SYNJ2: variants seen among roughly 807,000 people sequenced by gnomAD.
The protein encoded by SYNJ2 is polyphosphatidylinositol phosphatase SYNJ2.
Under a neutral mutation model 141.3 loss-of-function variants are expected in SYNJ2, and 116 were observed. The ratio of observed to expected loss-of-function variants is 0.82; its 90% confidence interval spans 0.71 to 0.96. SYNJ2 has a LOEUF of 0.96. SYNJ2 is among the 40% of genes least tolerant of loss of function. SYNJ2 has a pLI of 0.00. For synonymous variants in SYNJ2, 745 were observed against 777.7 expected (o/e 0.96, Z 0.70); for missense variants, 1,873 against 1,934.8 (o/e 0.97, Z 0.60).
At chr6:158,093,844 G>T in intron 26 of SYNJ2, 1 of 761,306 alleles carries the variant, frequency 1.3e-6, no homozygotes, top group South Asian at 1.3e-5. Context: ...TGCGGCCTCA[G>T]CCTACGAGAG....
chr6:157,987,693 C>T (rs1447264365), intron 1 of SYNJ2, among the ~76,000 whole-genome samples: 5 of 152,350 alleles, frequency 3.3e-5, no homozygotes, highest in Admixed American at 3.3e-4. Context: ...TGAGCCACTG[C>T]ACCTGACCAC....
chr6:158,069,872 T>C (rs1781807451), intron 14 of SYNJ2, among the ~76,000 whole-genome samples, 199 bp downstream of exon 14: 1 of 152,156 alleles, frequency 6.6e-6, no homozygotes, highest in African/African-American at 2.4e-5. Context: ...AAAGCCACCA[T>C]GGGAAATGTC....
chr6:158,012,975 T>G (rs1383396603), intron 1 of SYNJ2, among the ~76,000 whole-genome samples: 4 of 152,212 alleles, frequency 2.6e-5, no homozygotes, highest in African/African-American at 9.7e-5. Context: ...AAGTGAGCAT[T>G]GGGGAAAATA....
intron 2 of SYNJ2, among the ~76,000 whole-genome samples, chr6:158,023,056 C>T (rs1778857879): frequency 6.6e-6 from 1 of 152,082 alleles, no homozygotes; most frequent in African/African-American, 2.4e-5. Flanking sequence ...TCAAGACCAG[C>T]CTGGGCTATG....
intron 26 of SYNJ2, chr6:158,093,873 C>T: frequency 1.3e-6 from 1 of 764,532 alleles, no homozygotes; most frequent in African/African-American, 1.7e-5. Flanking sequence ...GCTTTTCTTG[C>T]CACTTTTCTT....
intron 1 of SYNJ2, among the ~76,000 whole-genome samples, chr6:157,988,959 G>C (rs1054839140): frequency 6.6e-6 from 1 of 152,074 alleles, no homozygotes; most frequent in African/African-American, 2.4e-5. Context: ...GCTTCTTTTC[G>C]AGATCTCACG....
At chr6:158,064,241 G>T (rs1461750678) in intron 9 of SYNJ2, among the ~76,000 whole-genome samples, 1 of 152,074 alleles carries the variant, frequency 6.6e-6, no homozygotes, top group East Asian at 1.9e-4. Flanking sequence ...ACCTCTGTCT[G>T]CATGGCCCCA....
intron 23 of SYNJ2, 44 bp downstream of exon 23, chr6:158,087,033 A>G: frequency 1.9e-6 from 3 of 1,546,808 alleles, no homozygotes. Flanking sequence ...CCTGCCAGGA[A>G]TAACCGCGCG....
At chr6:158,094,112 C>G in intron 26 of SYNJ2, 1 of 655,128 alleles carries the variant, frequency 1.5e-6, no homozygotes, top group Non-Finnish European at 2.8e-6. Context: ...CGGCTTCACT[C>G]TTGACAGCGC....
intron 4 of SYNJ2, among the ~76,000 whole-genome samples, chr6:158,034,670 C>T (rs185788239): frequency 9.8e-5 from 15 of 152,304 alleles, no homozygotes; most frequent in Admixed American, 2.6e-4. Context: ...AGAATGTCTG[C>T]ACTGTGGATA....
intron 2 of SYNJ2, among the ~76,000 whole-genome samples, chr6:158,024,709 A>G (rs1778947832): frequency 6.6e-6 from 1 of 152,240 alleles, no homozygotes. Flanking sequence ...TGGGGTGATC[A>G]GAACAGGACG....
chr6:157,981,651 G>A (rs1412166690), upstream of SYNJ2, among the ~76,000 whole-genome samples: 3 of 151,850 alleles, frequency 2.0e-5, no homozygotes, highest in Non-Finnish European at 4.4e-5. The surrounding 1 kb of genome is among the most constrained non-coding windows in gnomAD (Gnocchi z 6.4). Flanking sequence ...TGGCATCCGG[G>A]AGGCTCTTCC....
chr6:158,039,803 A>G (rs1410823586), intron 4 of SYNJ2, among the ~76,000 whole-genome samples: 4 of 152,056 alleles, frequency 2.6e-5, no homozygotes, highest in Admixed American at 2.6e-4. Flanking sequence ...CTGAGCCTCC[A>G]GTAGGAAGGA....
In SYNJ2 at chr6:158,071,243, C is replaced by T. The variant is rs575492188; in HGVS notation, c.1941-359C>T. On this transcript the variant is annotated intron_variant, in intron 14 of 26. Transcript: ENST00000355585. This position sits in a 1 kb window ranked among gnomAD's most constrained non-coding sequence, Gnocchi z 4.3. The stretch of plus-strand genomic sequence containing the variant: ...CCCAGATGACACCTCCCATGCATGG[C>T]GTGATGGCTGCACAGGAGTGGGGTG... 9.9e-5 allele frequency among the ~76,000 whole-genome samples: 15 copies of T among 152,228 alleles called. No homozygotes were observed. The highest frequency in any genetic ancestry group is 5.9e-4 in the Admixed American group (9 of 15,290).
chr6:158,069,367 G>A (rs7773707), intron 13 of SYNJ2, among the ~76,000 whole-genome samples, 166 bp from the exon 14 acceptor site: 9 of 152,116 alleles, frequency 5.9e-5, no homozygotes, highest in South Asian at 2.1e-4. Flanking sequence ...CCAAAAACAC[G>A]CAGATCCTCC....
chr6:158,084,029 C>G lies in SYNJ2; in HGVS notation c.3063C>G (p.Tyr1021Ter). ...EGDILEDDED[Y>*]LVDEFNQPGV... ...ATATTCTTGAAGACGATGAAGACTA[C>G]TTGGTGGATGAATTCAATCAGCCTG... Residue 1021 changes from tyrosine (Y) to a stop codon, truncating the protein, a stop_gained, in exon 22 of 27, where the codon TAC (tyrosine) becomes TAG (stop). Transcript: ENST00000355585. LOFTEE classifies it high-confidence loss of function. This position sits in a 1 kb window ranked among gnomAD's most constrained non-coding sequence, Gnocchi z 5.0. The G allele has an allele frequency of 3.7e-6, 6 of 1,614,142 alleles. No homozygotes were observed. Among genetic ancestry groups the G allele is most frequent in the Non-Finnish European group, 5.1e-6 (6 of 1,180,020 alleles).
At chr6:158,010,477 G>A (rs558669464) in intron 1 of SYNJ2, among the ~76,000 whole-genome samples, 2 of 152,298 alleles carry the variant, frequency 1.3e-5, no homozygotes, top group Admixed American at 1.3e-4. Flanking sequence ...GAAGGGTCGG[G>A]GGAGGACTTG....
At chr6:157,988,256 G>T (rs573962087) in intron 1 of SYNJ2, among the ~76,000 whole-genome samples, 175 of 152,332 alleles carry the variant, frequency 1.1e-3, no homozygotes, top group African/African-American at 3.7e-3. Context: ...CTCCCTGCAG[G>T]GGGGCATGAA....
At chr6:158,020,608 C>T (rs1190150308) in intron 2 of SYNJ2, among the ~76,000 whole-genome samples, 1 of 152,224 alleles carries the variant, frequency 6.6e-6, no homozygotes, top group Non-Finnish European at 1.5e-5. Context: ...TGTGTGACTC[C>T]AGTTGTGTGA....
Sources: allele counts gnomAD v4.1 joint callset (sites outside exome capture counted in the v4.1 genomes callset), GRCh38; gene constraint gnomAD v4.1.1; non-coding constraint Gnocchi (gnomAD v3.1); transcripts MANE v1.5; gene names NCBI Gene and HGNC (gene_info 2026-07-23, HGNC 2026-07-21).